Variants in EPX observed in about 807,000 individuals in gnomAD.
EPX encodes the protein eosinophil peroxidase.
In EPX, 60 loss-of-function variants were observed where a neutral mutation model predicts 73.0. The observed-to-expected ratio is 0.82, with a 90% CI of 0.67 to 1.02. EPX has a LOEUF of 1.02. Among genes scored for constraint, EPX ranks in the 50% least tolerant of loss-of-function variants. EPX has a pLI of 0.00. For missense variants in EPX, 950 were observed against 973.9 expected (o/e 0.98, Z 0.33); for synonymous variants, 347 against 389.2 (o/e 0.89, Z 1.28).
intron 5 of EPX, 82 bp downstream of exon 5, chr17:58,194,174 G>A (rs935798532): frequency 4.1e-6 from 6 of 1,445,974 alleles, no homozygotes; most frequent in Admixed American, 3.5e-5. Context: ...CACGCAGGCA[G>A]GGCTTGAACC....
In EPX at chr17:58,197,109, G is replaced by A. The variant is rs1295474189; in HGVS notation, c.972G>A (p.Arg324=). Residue 324 remains arginine (R), a synonymous_variant, in exon 7 of 13, where the codon CGG becomes CGA. Transcript: ENST00000225371. The part of the protein sequence containing the change: ...VYGSEVSLSL[R]LRNRTNYLGL... ...GCAGTGAGGTCTCCCTCTCGCTGCGGCTCCGCAACCGGACCAACTACCTGG... is the reference window on the plus strand; with the variant it reads ...GCAGTGAGGTCTCCCTCTCGCTGCGACTCCGCAACCGGACCAACTACCTGG... The A allele has an allele frequency of 1.9e-6, 3 of 1,614,074 alleles. No homozygotes were observed. In the African/African-American group the frequency reaches 4.0e-5, roughly 22 times the overall value.
In EPX at chr17:58,203,817, G is replaced by A. The variant is rs1013260603; in HGVS notation, c.1947-405G>A. On this transcript the variant is annotated intron_variant, in intron 11 of 12. Transcript: ENST00000225371. ...CGTAGTGGCGGGCGCCTGTAGTCCC[G>A]GCTACTTGGGAGGCTGAGGCAGGAG... 3.4e-5 allele frequency among the ~76,000 whole-genome samples: 5 copies of A among 148,386 alleles called. 1 individual carries two copies. The highest frequency in any genetic ancestry group is 1.3e-4 in the Admixed American group (2 of 14,968).
At chr17:58,203,707 C>T (rs1385762110) in intron 11 of EPX, among the ~76,000 whole-genome samples, 6 of 151,678 alleles carry the variant, frequency 4.0e-5, no homozygotes, top group African/African-American at 1.2e-4. Flanking sequence ...CCGAGGCGGG[C>T]GGATCACGAG....
Position 58,192,784 on chromosome 17 carries a change from G to T in EPX, c.-63G>T. 7.1e-7 allele frequency: 1 copy of T among 1,409,194 alleles called. No homozygotes were observed. The highest frequency in any genetic ancestry group is 2.4e-5 in the East Asian group (1 of 41,812). The allele number at this position is 1,409,194 out of a possible 1,614,324, so 87.3% of individuals were successfully genotyped here. On this transcript the variant is annotated 5_prime_UTR_variant, in exon 1 of 13. The change creates a new upstream start codon in the 5' untranslated region. Coordinates refer to ENST00000225371, the MANE Select transcript of EPX (RefSeq NM_000502.6). ...GTCCTCAAAGTGAGAGGGGAGCAGA[G>T]GATCCTCCCGTGCAGGCTGTGGATG...
At position 58,192,868 on chromosome 17, in the gene EPX, G is replaced by T; in HGVS notation, c.22G>T (p.Ala8Ser). 1 of 1,614,130 alleles carries T rather than the reference G, an allele frequency of 6.2e-7. No homozygotes were observed. Among genetic ancestry groups the T allele is most frequent in the African/African-American group, 1.3e-5 (1 of 75,028 alleles). ...AGAGATGCATCTGCTCCCAGCCCTGGCAGGGGTCCTGGCCACACTCGTCCT... is the reference window on the plus strand; with the variant it reads ...AGAGATGCATCTGCTCCCAGCCCTGTCAGGGGTCCTGGCCACACTCGTCCT... MHLLPAL[A>S]GVLATLVLAQ... The change falls in exon 1 of 13, where the codon GCA becomes TCA. Residue 8 changes from alanine (A) to serine (S), a missense_variant. Physicochemically the swap from Ala to Ser is moderately conservative, Grantham distance 99 (BLOSUM62 1). Coordinates refer to ENST00000225371, the MANE Select transcript of EPX (RefSeq NM_000502.6).
Position 58,197,183 on chromosome 17 carries a change from T to C in EPX, c.1046T>C (p.Leu349Pro), listed in dbSNP as rs1366873704. Residue 349 changes from leucine (L) to proline (P), a missense_variant, in exon 7 of 13, where the codon CTG (leucine) becomes CCG (proline). Leu to Pro is a moderately conservative substitution (Grantham distance 98). Transcript: ENST00000225371. ...TTTCAAGACAACGGCCGGGCCCTGCTGCCCTTCGACAACCTGCACGATGAC... is the reference window on the plus strand; with the variant it reads ...TTTCAAGACAACGGCCGGGCCCTGCCGCCCTTCGACAACCTGCACGATGAC... ...QRFQDNGRAL[L>P]PFDNLHDDPC... The C allele has an allele frequency of 6.2e-7, 1 of 1,613,876 alleles. No individual in the cohort carries two copies. Among genetic ancestry groups the C allele is most frequent in the Non-Finnish European group, 8.5e-7 (1 of 1,180,018 alleles).
chr17:58,193,813 C>A lies in EPX; in HGVS notation c.446C>A (p.Thr149Asn). Residue 149 changes from threonine (T) to asparagine (N), a missense_variant, in exon 4 of 13, where the codon ACT becomes AAT. Thr to Asn is a moderately conservative substitution (Grantham distance 65, BLOSUM62 0). Coordinates refer to ENST00000225371, the MANE Select transcript of EPX (RefSeq NM_000502.6). ...TGCAGCGACAAGTACCGCACCATCA[C>A]TGGACGGTGCAACAACAAGTGCGTG... ...ERCSDKYRTI[T>N]GRCNNKRRPL... 3.1e-6 allele frequency: 5 copies of A among 1,611,808 alleles called. No homozygotes were observed. Among genetic ancestry groups the A allele is most frequent in the Non-Finnish European group, 4.2e-6 (5 of 1,178,108 alleles).
Position 58,199,029 on chromosome 17 carries a change from G to A in EPX, c.1121-11G>A. On this transcript the variant is annotated splice_polypyrimidine_tract_variant and intron_variant, in intron 7 of 12. Transcript: ENST00000225371. ...AAAGGCTGCAGTAAATCTGAGCTTG[G>A]GGTTTTCAAGGTGACACCCGATCAA... 6.2e-7 allele frequency: 1 copy of A among 1,613,170 alleles called. No individual in the cohort carries two copies. Among genetic ancestry groups the A allele is most frequent in the Non-Finnish European group, 8.5e-7 (1 of 1,179,914 alleles).
chr17:58,200,253 C>A lies in EPX; in HGVS notation c.1566C>A (p.Leu522=), dbSNP rs1478399512. The change falls in exon 10 of 13, where the codon CTC becomes CTA. Residue 522 remains leucine (L), a synonymous_variant. Coordinates refer to ENST00000225371, the MANE Select transcript of EPX (RefSeq NM_000502.6). ...GCATCGACCCCATCCTCCGGGGCCTCATGGCCACCCCTGCCAAGCTGAACC... is the reference window on the plus strand; with the variant it reads ...GCATCGACCCCATCCTCCGGGGCCTAATGGCCACCCCTGCCAAGCTGAACC... ...EGGIDPILRG[L]MATPAKLNRQ... is the part of the protein sequence containing the mutation. 2 of 1,614,098 alleles carry A rather than the reference C, an allele frequency of 1.2e-6. No individual in the cohort carries two copies. The highest frequency in any genetic ancestry group is 1.7e-6 in the Non-Finnish European group (2 of 1,180,040).
In EPX at chr17:58,200,394, A is replaced by G. The variant is rs775701682; in HGVS notation, c.1707A>G (p.Pro569=). 1.2e-6 allele frequency: 2 copies of G among 1,614,130 alleles called. No homozygotes were observed. Among genetic ancestry groups the G allele is most frequent in the East Asian group, 2.2e-5 (1 of 44,884 alleles). ...AACGAAGCCGGGACCACGGCCTTCC[A>G]GGTGAGGGGGCTGTCCACCTCTTCT... The part of the protein sequence containing the change: ...NMQRSRDHGL[P]GYNAWRRFCG... Residue 569 remains proline (P), a splice_region_variant and synonymous_variant, in exon 10 of 13, where the codon CCA becomes CCG. Coordinates refer to ENST00000225371, the MANE Select transcript of EPX (RefSeq NM_000502.6).
Position 58,196,995 on chromosome 17 carries a change from C to T in EPX, c.858C>T (p.Arg286=). ...AGCGTGACTGCATCCCTTTCTTCCG[C>T]TCGGCACCCTCATGCCCCCAAAACA... ...KNQRDCIPFF[R]SAPSCPQNKN... The change falls in exon 7 of 13, where the codon CGC becomes CGT. Residue 286 remains arginine, a synonymous_variant. Transcript: ENST00000225371. 1 of 1,614,170 alleles carries T rather than the reference C, an allele frequency of 6.2e-7. No individual in the cohort carries two copies. Among genetic ancestry groups the T allele is most frequent in the South Asian group, 1.1e-5 (1 of 91,082 alleles).
Position 58,193,974 on chromosome 17 carries a change from T to C in EPX, c.476T>C (p.Leu159Ser), listed in dbSNP as rs569015114. The C allele has an allele frequency of 6.2e-7, 1 of 1,612,888 alleles. No homozygotes were observed. The highest frequency in any genetic ancestry group is 1.3e-5 in the African/African-American group (1 of 75,042). Reference protein sequence around the residue: ...TGRCNNKRRPLLGASNQALAR... With the variant: ...TGRCNNKRRPSLGASNQALAR... The stretch of plus-strand genomic sequence containing the variant: ...ACCCATGGCTGCAGGAGGAGACCCT[T>C]GCTAGGGGCCTCCAACCAGGCTCTG... The change falls in exon 5 of 13, where the codon TTG becomes TCG. Residue 159 changes from leucine to serine, a missense_variant. Coordinates refer to ENST00000225371, the MANE Select transcript of EPX (RefSeq NM_000502.6).
In EPX at chr17:58,203,262, G is replaced by A; in HGVS notation, c.1890G>A (p.Gly630=). The change falls in exon 11 of 13, where the codon GGG becomes GGA. Residue 630 remains glycine, a synonymous_variant. Coordinates refer to ENST00000225371, the MANE Select transcript of EPX (RefSeq NM_000502.6). ...CTCTTTTGCCGGGGGCTCGAGTGGG[G>A]CCTCTTCTGGCTTGTCTGTTCGAGA... The part of the protein sequence containing the change: ...AEPLLPGARV[G]PLLACLFENQ... 6.2e-7 allele frequency: 1 copy of A among 1,614,200 alleles called. No homozygotes were observed. The highest frequency in any genetic ancestry group is 8.5e-7 in the Non-Finnish European group (1 of 1,180,036).
Position 58,204,433 on chromosome 17 carries a change from AG to A in EPX, c.*11+1del. On this transcript the variant is annotated splice_region_variant and 3_prime_UTR_variant, in exon 12 of 13. Coordinates refer to ENST00000225371, the MANE Select transcript of EPX (RefSeq NM_000502.6). Reference sequence around the variant, plus strand: ...CTGGCGAGGGACATGAGGCTTCTGCAGGTAAGGGGAGGCCACCTCCAGCACC... The same window carrying A: ...CTGGCGAGGGACATGAGGCTTCTGCAGTAAGGGGAGGCCACCTCCAGCACC... 6.2e-7 allele frequency: 1 copy of A among 1,602,732 alleles called. No individual in the cohort carries two copies. Among genetic ancestry groups the A allele is most frequent in the South Asian group, 1.1e-5 (1 of 90,820 alleles).
intron 6 of EPX, 72 bp downstream of exon 6, chr17:58,195,242 T>A (rs980754446): frequency 5.8e-6 from 7 of 1,209,992 alleles, no homozygotes; most frequent in Admixed American, 1.7e-5. Context: ...GGGGTGGGGA[T>A]CTGGAAGACT....
intron 6 of EPX, 136 bp downstream of exon 6, chr17:58,195,306 C>T (rs1002948590): frequency 2.6e-6 from 2 of 761,710 alleles, no homozygotes; most frequent in African/African-American, 1.7e-5. Flanking sequence ...GACAGAGACA[C>T]AAGAAACACA....
intron 9 of EPX, 140 bp from the exon 10 acceptor site, chr17:58,200,085 C>T: frequency 1.2e-6 from 1 of 832,810 alleles, no homozygotes; most frequent in Non-Finnish European, 2.0e-6. Flanking sequence ...CATGTCTCTC[C>T]AGAACTCTGT....
intron 10 of EPX, chr17:58,202,212 G>A (rs1968351668): frequency 1.3e-5 from 2 of 152,330 alleles, no homozygotes. Context: ...GGGATGGTGT[G>A]TGTGAGCTGT....
intron 10 of EPX, among the ~76,000 whole-genome samples, chr17:58,201,532 G>A (rs1407788889): frequency 1.3e-5 from 2 of 152,230 alleles, no homozygotes; most frequent in Non-Finnish European, 2.9e-5. Context: ...TACAGCTGGG[G>A]TACTGGGTAT....
Sources: gnomAD v4.1 joint callset for allele counts (sites outside exome capture counted in the v4.1 genomes callset) on GRCh38, gnomAD v4.1.1 for gene constraint, MANE v1.5 for transcripts, NCBI Gene and HGNC (gene_info 2026-07-23, HGNC 2026-07-21) for gene names.